CRYBG1: variants seen among roughly 807,000 people sequenced by gnomAD.
The protein encoded by CRYBG1 is crystallin beta-gamma domain containing 1.
CRYBG1 carries 139 observed loss-of-function variants against 189.2 expected under a neutral mutation model. That is an observed-to-expected ratio of 0.73 (90% confidence interval 0.64 to 0.85). CRYBG1 has a LOEUF of 0.85. Ranked by LOEUF, CRYBG1 falls within the 40% of genes least tolerant of loss-of-function variation. CRYBG1 has a pLI of 0.00. For synonymous variants in CRYBG1, 1,023 were observed against 1,017.1 expected, an observed-to-expected ratio of 1.01 and a Z score of -0.11; for missense variants, 2,611 against 2,675.8, an observed-to-expected ratio of 0.98 and a Z score of 0.53.
chr6:106,518,642 C>G (rs1423962547), intron 3 of CRYBG1, among the ~76,000 whole-genome samples: 1 of 152,028 alleles, frequency 6.6e-6, no homozygotes, highest in African/African-American at 2.4e-5. Context: ...GTACTTAGGA[C>G]TATTTAAAAA....
chr6:106,369,416 C>A (rs1769969961), intron 1 of CRYBG1, among the ~76,000 whole-genome samples: 1 of 152,182 alleles, frequency 6.6e-6, no homozygotes, highest in African/African-American at 2.4e-5. Flanking sequence ...GCTAGCAACC[C>A]TAACTGAGTC....
intron 1 of CRYBG1, among the ~76,000 whole-genome samples, chr6:106,378,328 T>A (rs9320159): frequency 0.45 from 68,638 of 152,080 alleles, 17,305 homozygotes; most frequent in African/African-American, 0.69. Context: ...GTTCTGAAGC[T>A]GGTACGGGGC....
At chr6:106,374,454 A>C (rs1770106519) in intron 1 of CRYBG1, among the ~76,000 whole-genome samples, 1 of 152,132 alleles carries the variant, frequency 6.6e-6, no homozygotes, top group African/African-American at 2.4e-5. Flanking sequence ...GCTACTTGGG[A>C]GGCTGAGATG....
chr6:106,521,254 T>C lies in CRYBG1; in HGVS notation c.4046T>C (p.Leu1349Pro), dbSNP rs1292169020. The change falls in exon 4 of 22, where the codon CTA becomes CCA. Residue 1349 changes from leucine (L) to proline (P), a missense_variant. This residue lies in a region of CRYBG1 where 1,622 missense variants were observed against 1,735.0 expected (regional missense o/e 0.93). Transcript: ENST00000633556. ...GAAGATCTGGATTCACGAAGCAACCTACACTTGCCAGAAACTAAATTTTCT... is the reference window on the plus strand; with the variant it reads ...GAAGATCTGGATTCACGAAGCAACCCACACTTGCCAGAAACTAAATTTTCT... Reference protein sequence around the residue: ...TKEDLDSRSNLHLPETKFSEL... With the variant: ...TKEDLDSRSNPHLPETKFSEL... 6.2e-7 allele frequency: 1 copy of C among 1,613,994 alleles called. No individual in the cohort carries two copies. Among genetic ancestry groups the C allele is most frequent in the Admixed American group, 1.7e-5 (1 of 59,990 alleles).
chr6:106,429,989 A>C (rs190559276), intron 1 of CRYBG1, among the ~76,000 whole-genome samples: 6 of 152,196 alleles, frequency 3.9e-5, no homozygotes, highest in African/African-American at 1.4e-4. Flanking sequence ...AATATATTAC[A>C]TATTATTTTT....
chr6:106,556,043 T>A, intron 17 of CRYBG1, 146 bp downstream of exon 17: 1 of 905,566 alleles, frequency 1.1e-6, no homozygotes, highest in Non-Finnish European at 1.7e-6. Flanking sequence ...TGTGTACATC[T>A]AGTTTATTGA....
In CRYBG1 at chr6:106,544,887, A is replaced by G; in HGVS notation, c.5266A>G (p.Thr1756Ala). ...VLGIVANLKE[T>A]GYGVKTQSIN... ...GGGAATTGTTGCTAATTTAAAGGAGACTGGATATGGAGTGAAGACACAGTC... is the reference window on the plus strand; with the variant it reads ...GGGAATTGTTGCTAATTTAAAGGAGGCTGGATATGGAGTGAAGACACAGTC... Residue 1756 changes from threonine (T) to alanine (A), a missense_variant, in exon 13 of 22, where the codon ACT (threonine) becomes GCT (alanine). Physicochemically the swap from Thr to Ala is moderately conservative, Grantham distance 58. Coordinates refer to ENST00000633556, the MANE Select transcript of CRYBG1 (RefSeq NM_001371242.2). 6.2e-7 allele frequency: 1 copy of G among 1,613,514 alleles called. No homozygotes were observed. Among genetic ancestry groups the G allele is most frequent in the Non-Finnish European group, 8.5e-7 (1 of 1,179,820 alleles).
intron 2 of CRYBG1, among the ~76,000 whole-genome samples, chr6:106,458,017 G>A (rs1205523340): frequency 6.6e-6 from 1 of 152,202 alleles, no homozygotes; most frequent in Non-Finnish European, 1.5e-5. Context: ...GGTGATAAGG[G>A]TGGGGGAAAT....
chr6:106,382,118 G>T (rs562845221), intron 1 of CRYBG1, among the ~76,000 whole-genome samples: 1 of 152,172 alleles, frequency 6.6e-6, no homozygotes, highest in African/African-American at 2.4e-5. Flanking sequence ...AGGCTTCTGA[G>T]CTCTTAATAG....
intron 2 of CRYBG1, among the ~76,000 whole-genome samples, chr6:106,471,377 C>T (rs998041065): frequency 1.3e-5 from 2 of 152,074 alleles, no homozygotes; most frequent in Admixed American, 1.3e-4. Flanking sequence ...ACATGTACAC[C>T]AATGTGTGGG....
At chr6:106,551,019 A>G (rs746751477) in intron 13 of CRYBG1, among the ~76,000 whole-genome samples, 1 of 152,138 alleles carries the variant, frequency 6.6e-6, no homozygotes, top group Non-Finnish European at 1.5e-5. Context: ...TTCAGGGGGT[A>G]CATGTGCAGG....
At chr6:106,565,344 A>T (rs1774851273) in intron 21 of CRYBG1, among the ~76,000 whole-genome samples, 1 of 151,896 alleles carries the variant, frequency 6.6e-6, no homozygotes. Flanking sequence ...TTGTAGGGAC[A>T]AGAAAGTGCT....
chr6:106,520,765 A>G lies in CRYBG1; in HGVS notation c.3557A>G (p.Lys1186Arg), dbSNP rs1405744325. Reference protein sequence around the residue: ...HLMQNLDTKSKLRPKRASAEQ... With the variant: ...HLMQNLDTKSRLRPKRASAEQ... ...ATGCAGAACCTTGACACAAAATCCA[A>G]ACTGAGACCCAAACGTGCATCTGCT... Residue 1186 changes from lysine to arginine, a missense_variant, in exon 4 of 22, where the codon AAA (lysine) becomes AGA (arginine). Lys to Arg is a conservative substitution (Grantham distance 26). This residue lies in a region of CRYBG1 where 1,622 missense variants were observed against 1,735.0 expected (regional missense o/e 0.93). Coordinates refer to ENST00000633556, the MANE Select transcript of CRYBG1 (RefSeq NM_001371242.2). 5 of 1,614,100 alleles carry G rather than the reference A, an allele frequency of 3.1e-6. No individual in the cohort carries two copies. Among genetic ancestry groups the G allele is most frequent in the Non-Finnish European group, 4.2e-6 (5 of 1,180,020 alleles).
At chr6:106,404,776 G>A (rs930422116) in intron 1 of CRYBG1, among the ~76,000 whole-genome samples, 1 of 152,132 alleles carries the variant, frequency 6.6e-6, no homozygotes, top group Non-Finnish European at 1.5e-5. Context: ...GGAAGCGCAA[G>A]GGGTTGGGGA....
chr6:106,446,490 A>G (rs1771666509), intron 1 of CRYBG1, among the ~76,000 whole-genome samples: 2 of 152,256 alleles, frequency 1.3e-5, no homozygotes, highest in African/African-American at 4.8e-5. Flanking sequence ...GTACAGCATC[A>G]ATTTATAACT....
chr6:106,526,674 G>A (rs1056720023), intron 6 of CRYBG1, among the ~76,000 whole-genome samples: 1 of 152,084 alleles, frequency 6.6e-6, no homozygotes, highest in African/African-American at 2.4e-5. Context: ...AGACATGGTG[G>A]CTCATGCCTG....
intron 3 of CRYBG1, among the ~76,000 whole-genome samples, chr6:106,518,772 A>G (rs55858175): frequency 0.21 from 31,738 of 152,102 alleles, 3,769 homozygotes; most frequent in South Asian, 0.34. Context: ...AGCCTGGGTG[A>G]CATAGACCCC....
intron 2 of CRYBG1, among the ~76,000 whole-genome samples, chr6:106,483,402 A>ATATATATGTAT (rs1361096436): frequency 2.3e-5 from 2 of 88,384 alleles, no homozygotes; most frequent in Non-Finnish European, 5.8e-5. Context: ...ATATATATAT[A>ATATATATGTAT]AAACATTTTC....
intron 2 of CRYBG1, among the ~76,000 whole-genome samples, chr6:106,489,771 TGAC>T (rs1440155212): frequency 7.6e-6 from 1 of 130,882 alleles, no homozygotes; most frequent in Non-Finnish European, 1.6e-5. Flanking sequence ...CCAGCCTGGG[TGAC>T]AGACTCTGTG....
Sources: allele counts gnomAD v4.1 joint callset (sites outside exome capture counted in the v4.1 genomes callset), GRCh38; gene constraint gnomAD v4.1.1; regional missense constraint gnomAD v4.1.1; transcripts MANE v1.5; gene names NCBI Gene and HGNC (gene_info 2026-07-23, HGNC 2026-07-21).